PACSIN2: variants seen among roughly 807,000 people sequenced by gnomAD.
PACSIN2 encodes protein kinase C and casein kinase substrate in neurons 2, also known as protein kinase C and casein kinase substrate in neurons protein 2.
In PACSIN2, 25 loss-of-function variants were observed where a neutral mutation model predicts 63.8. The observed-to-expected ratio is 0.39, with a 90% CI of 0.29 to 0.55. The LOEUF (loss-of-function observed/expected upper bound fraction) is 0.55, where lower values mean the gene tolerates loss of function less well. Ranked by LOEUF, PACSIN2 falls within the 20% of genes least tolerant of loss-of-function variation. PACSIN2 has a pLI of 0.62. For synonymous variants in PACSIN2, 255 were observed against 256.2 expected (o/e 1.00, Z 0.05); for missense variants, 518 against 646.9 (o/e 0.80, Z 2.16).
At chr22:42,964,028 C>T (rs927816781) in intron 1 of PACSIN2, among the ~76,000 whole-genome samples, 1 of 152,164 alleles carries the variant, frequency 6.6e-6, no homozygotes, top group Non-Finnish European at 1.5e-5. Flanking sequence ...AAGGGTAGGA[C>T]ATTTTCATTA....
At chr22:42,961,087 T>A (rs1250765237) in intron 1 of PACSIN2, among the ~76,000 whole-genome samples, 1 of 152,174 alleles carries the variant, frequency 6.6e-6, no homozygotes, top group Non-Finnish European at 1.5e-5. Flanking sequence ...CCTTTCAACA[T>A]GGCCCAAGCG....
intron 10 of PACSIN2, 117 bp downstream of exon 10, chr22:42,876,020 C>T: frequency 1.2e-6 from 1 of 809,828 alleles, no homozygotes; most frequent in Non-Finnish European, 1.9e-6. Flanking sequence ...GAAGGGCCTG[C>T]AGTGACTCAC....
chr22:42,906,935 A>G (rs1425155862), intron 2 of PACSIN2, among the ~76,000 whole-genome samples: 1 of 152,222 alleles, frequency 6.6e-6, no homozygotes, highest in Non-Finnish European at 1.5e-5. Context: ...ACCATCCTGG[A>G]AGTAGGAAAT....
chr22:42,910,819 C>T (rs1041313348), intron 2 of PACSIN2, among the ~76,000 whole-genome samples: 3 of 152,194 alleles, frequency 2.0e-5, no homozygotes, highest in African/African-American at 7.2e-5. Flanking sequence ...ACATTTATTT[C>T]TGCTGTGGCA....
chr22:42,986,096 T>C (rs1922592855), intron 1 of PACSIN2, among the ~76,000 whole-genome samples: 1 of 152,136 alleles, frequency 6.6e-6, no homozygotes. Context: ...CTCAAGGTGA[T>C]TTCCCTTTCC....
chr22:42,879,001 C>G, intron 8 of PACSIN2, 47 bp downstream of exon 8: 3 of 1,588,998 alleles, frequency 1.9e-6, no homozygotes, highest in Non-Finnish European at 2.6e-6. Flanking sequence ...TGCCCAGGGC[C>G]CCCACCATGG....
chr22:42,920,437 T>C (rs1408675727), intron 1 of PACSIN2, among the ~76,000 whole-genome samples: 1 of 152,256 alleles, frequency 6.6e-6, no homozygotes, highest in Admixed American at 6.5e-5. Flanking sequence ...GTTTCCCATG[T>C]AGTTCCTCTG....
chr22:42,891,978 A>C (rs954412044), intron 3 of PACSIN2, among the ~76,000 whole-genome samples: 4 of 152,206 alleles, frequency 2.6e-5, no homozygotes, highest in African/African-American at 9.6e-5. Context: ...CTCTGAGCAC[A>C]AGCTTGAGAA....
At chr22:42,930,664 T>C (rs886865172) in intron 1 of PACSIN2, among the ~76,000 whole-genome samples, 2 of 152,206 alleles carry the variant, frequency 1.3e-5, no homozygotes. Flanking sequence ...ACCTCCATGG[T>C]TTTGGTTATC....
At chr22:42,982,887 A>AAAAAAAAAC (rs200348918) in intron 1 of PACSIN2, among the ~76,000 whole-genome samples, 10 of 129,568 alleles carry the variant, frequency 7.7e-5, no homozygotes, top group Non-Finnish European at 1.4e-4. Context: ...AAAAAAAAAA[A>AAAAAAAAAC]AAACAACAAC....
At chr22:43,013,306 A>G (rs1348398138) in intron 1 of PACSIN2, among the ~76,000 whole-genome samples, 3 of 152,220 alleles carry the variant, frequency 2.0e-5, no homozygotes, top group Admixed American at 2.0e-4. Context: ...CACCAGCCTA[A>G]TGGCCACTTT....
At chr22:42,961,586 ATATGGTGAAACCTCATCTC>A (rs1172326836) in intron 1 of PACSIN2, among the ~76,000 whole-genome samples, 2 of 152,176 alleles carry the variant, frequency 1.3e-5, no homozygotes, top group Non-Finnish European at 2.9e-5. Context: ...AGCCTAGCCA[ATATGGTGAAACCTCATCTC>A]TACTAAAAAA....
intron 1 of PACSIN2, among the ~76,000 whole-genome samples, chr22:43,000,593 A>C (rs1287163078): frequency 1.3e-5 from 2 of 152,192 alleles, no homozygotes; most frequent in Admixed American, 6.5e-5. Flanking sequence ...CCAAAATAGC[A>C]ATTCTGGAAA....
At chr22:43,010,506 C>G (rs1195370684) in intron 1 of PACSIN2, among the ~76,000 whole-genome samples, 1 of 151,668 alleles carries the variant, frequency 6.6e-6, no homozygotes, top group Non-Finnish European at 1.5e-5. Context: ...GTCAGGAGAT[C>G]AAGACCATCC....
Position 42,934,947 on chromosome 22 carries a change from G to A in PACSIN2, c.-77-22790C>T, listed in dbSNP as rs560377091. The stretch of plus-strand genomic sequence containing the variant: ...TTCTTTTTTTTTGAGACAGAGTTTC[G>A]CTTTATCGCCCAGGCTGGAGTGCAG... On this transcript the variant is annotated intron_variant, in intron 1 of 10. Coordinates refer to ENST00000263246, the MANE Select transcript of PACSIN2 (RefSeq NM_001184970.3). 1.4e-4 allele frequency among the ~76,000 whole-genome samples: 21 copies of A among 149,680 alleles called. No homozygotes were observed. In the South Asian group the frequency reaches 1.7e-3, roughly 12 times the overall value.
At chr22:42,950,986 G>T (rs554243168) in intron 1 of PACSIN2, among the ~76,000 whole-genome samples, 2 of 152,264 alleles carry the variant, frequency 1.3e-5, no homozygotes, top group South Asian at 4.1e-4. Flanking sequence ...GAGTGACAGG[G>T]TCTACCTGGA....
chr22:42,997,137 G>T (rs796073276), intron 1 of PACSIN2, among the ~76,000 whole-genome samples: 17 of 152,330 alleles, frequency 1.1e-4, no homozygotes, highest in African/African-American at 4.1e-4. Flanking sequence ...CAGGCTGGGG[G>T]TGTTTAATCA....
chr22:42,908,067 TTA>T (rs1931207604), intron 2 of PACSIN2, among the ~76,000 whole-genome samples: 1 of 152,196 alleles, frequency 6.6e-6, no homozygotes, highest in Non-Finnish European at 1.5e-5. Context: ...CACAAGATAC[TTA>T]TGTTCTCTTC....
intron 1 of PACSIN2, among the ~76,000 whole-genome samples, chr22:42,979,591 A>C (rs1921939437): frequency 1.3e-5 from 2 of 152,152 alleles, no homozygotes; most frequent in African/African-American, 4.8e-5. Context: ...CTAAATATAA[A>C]AACAGTCAAA....
Sources: gnomAD v4.1 joint callset for allele counts (sites outside exome capture counted in the v4.1 genomes callset) on GRCh38, gnomAD v4.1.1 for gene constraint, MANE v1.5 for transcripts, NCBI Gene and HGNC (gene_info 2026-07-23, HGNC 2026-07-21) for gene names.